The following LRRTM4 variants were observed in gnomAD, a reference collection of about 807,000 sequenced individuals.
LRRTM4 encodes the protein leucine-rich repeat transmembrane neuronal protein 4.
LRRTM4 carries 25 observed loss-of-function variants against 47.6 expected under a neutral mutation model. The ratio of observed to expected loss-of-function variants is 0.53; its 90% CI spans 0.38 to 0.73. LRRTM4 has a LOEUF of 0.73. Ranked by LOEUF, LRRTM4 falls within the 30% of genes least tolerant of loss-of-function variation. LRRTM4 has a pLI of 0.00. For synonymous variants in LRRTM4, 311 were observed against 269.5 expected (o/e 1.15, Z -1.51); for missense variants, 638 against 713.4 (o/e 0.89, Z 1.20).
chr2:76,777,186 G>T (rs1674056538), intron 3 of LRRTM4, among the ~76,000 whole-genome samples: 1 of 150,772 alleles, frequency 6.6e-6, no homozygotes, highest in Non-Finnish European at 1.5e-5. Context: ...TTGAAGTCAG[G>T]GAGTGTGATG....
At chr2:77,427,887 A>G (rs1003147546) in intron 3 of LRRTM4, among the ~76,000 whole-genome samples, 19 of 152,148 alleles carry the variant, frequency 1.2e-4, no homozygotes, top group Non-Finnish European at 8.8e-5. Context: ...CAACTTTCCC[A>G]TTTACCAACT....
At chr2:76,955,148 C>T (rs1359652675) in intron 3 of LRRTM4, among the ~76,000 whole-genome samples, 2 of 151,702 alleles carry the variant, frequency 1.3e-5, no homozygotes, top group African/African-American at 4.8e-5. Flanking sequence ...GTATGAAGCT[C>T]ACTGATAAGG....
At chr2:77,126,459 G>T (rs940241820) in intron 3 of LRRTM4, among the ~76,000 whole-genome samples, 2 of 152,090 alleles carry the variant, frequency 1.3e-5, no homozygotes, top group Non-Finnish European at 2.9e-5. Context: ...TTTGCCTCTA[G>T]TGTGATATAT....
At chr2:76,926,548 T>C (rs1674595234) in intron 3 of LRRTM4, among the ~76,000 whole-genome samples, 1 of 152,142 alleles carries the variant, frequency 6.6e-6, no homozygotes, top group African/African-American at 2.4e-5. Context: ...CAACAGTGTT[T>C]GGAGCTGGGG....
intron 3 of LRRTM4, among the ~76,000 whole-genome samples, chr2:76,881,340 C>CT (rs945805697): frequency 1.3e-5 from 2 of 152,034 alleles, no homozygotes; most frequent in African/African-American, 4.8e-5. Flanking sequence ...CACACATGGC[C>CT]TATCAAGGTT....
Position 76,992,312 on chromosome 2 carries a change from A to G in LRRTM4, c.1552-243396T>C, listed in dbSNP as rs1037385937. 3.9e-5 allele frequency among the ~76,000 whole-genome samples: 6 copies of G among 151,938 alleles called. No homozygotes were observed. The East Asian group carries it at 1.2e-3, about 29-fold the overall frequency. ...GCAACCAGGCAAGAGAAAGAAATGA[A>G]AGGCATCCAAATAGAAAAAGCAATC... On this transcript the variant is annotated intron_variant, in intron 3 of 3. Transcript: ENST00000409884.
intron 3 of LRRTM4, among the ~76,000 whole-genome samples, chr2:76,871,492 T>C (rs773185155): frequency 6.6e-5 from 10 of 152,192 alleles, no homozygotes; most frequent in Non-Finnish European, 1.5e-4. Flanking sequence ...CTGTATTGAA[T>C]TGAAAATCTT....
chr2:76,819,180 A>G (rs545164046), intron 3 of LRRTM4, among the ~76,000 whole-genome samples: 2 of 152,010 alleles, frequency 1.3e-5, no homozygotes, highest in East Asian at 1.9e-4. Context: ...GTAAACAATC[A>G]TAATAGCAGT....
At chr2:77,295,701 A>C (rs1676953430) in intron 3 of LRRTM4, among the ~76,000 whole-genome samples, 1 of 152,174 alleles carries the variant, frequency 6.6e-6, no homozygotes, top group South Asian at 2.1e-4. Flanking sequence ...CCAGGCTTGT[A>C]GGTGGCCATC....
chr2:77,134,561 A>G (rs1313606809), intron 3 of LRRTM4, among the ~76,000 whole-genome samples: 1 of 152,190 alleles, frequency 6.6e-6, no homozygotes, highest in Admixed American at 6.5e-5. Flanking sequence ...TTAATGCTTC[A>G]GTTTTCACAT....
intron 3 of LRRTM4, among the ~76,000 whole-genome samples, chr2:76,988,609 A>C (rs1446718): frequency 0.34 from 51,592 of 151,678 alleles, 9,526 homozygotes; most frequent in East Asian, 0.55. Flanking sequence ...TAAAAGCCCC[A>C]AATTTTCTAC....
At chr2:77,049,014 C>A (rs974927856) in intron 3 of LRRTM4, among the ~76,000 whole-genome samples, 1 of 150,480 alleles carries the variant, frequency 6.6e-6, no homozygotes, top group Non-Finnish European at 1.5e-5. Flanking sequence ...TGAGAAAATA[C>A]AATATTCATC....
intron 3 of LRRTM4, among the ~76,000 whole-genome samples, chr2:76,777,109 T>C (rs770538535): frequency 1.1e-4 from 16 of 148,516 alleles, no homozygotes; most frequent in African/African-American, 1.7e-4. Context: ...TTCTGTTCCA[T>C]TGATCTATAT....
intron 3 of LRRTM4, among the ~76,000 whole-genome samples, chr2:77,294,624 T>G (rs1315432206): frequency 6.6e-6 from 1 of 152,154 alleles, no homozygotes; most frequent in Non-Finnish European, 1.5e-5. Context: ...AGTGAGAGAT[T>G]CTTGCCCTAC....
chr2:76,758,281 A>C (rs896695605), intron 3 of LRRTM4, among the ~76,000 whole-genome samples: 2 of 152,182 alleles, frequency 1.3e-5, no homozygotes, highest in Non-Finnish European at 2.9e-5. Context: ...ACAAATGTAA[A>C]AGTGAAATGA....
chr2:76,852,987 C>T (rs1672042066), intron 3 of LRRTM4, among the ~76,000 whole-genome samples: 1 of 151,988 alleles, frequency 6.6e-6, no homozygotes, highest in Non-Finnish European at 1.5e-5. Flanking sequence ...ATGGGTTATT[C>T]TAGGAAAAGG....
intron 3 of LRRTM4, among the ~76,000 whole-genome samples, chr2:77,002,341 T>G (rs1677462878): frequency 6.6e-6 from 1 of 152,152 alleles, no homozygotes; most frequent in African/African-American, 2.4e-5. Flanking sequence ...CATGTGTTAA[T>G]GAGAGTCATG....
At chr2:77,211,423 G>T (rs1166595037) in intron 3 of LRRTM4, among the ~76,000 whole-genome samples, 2 of 152,134 alleles carry the variant, frequency 1.3e-5, no homozygotes, top group Non-Finnish European at 2.9e-5. Flanking sequence ...ATAGGAAGCC[G>T]CTGGGTGAGA....
chr2:77,018,364 G>C (rs115951583), intron 3 of LRRTM4, among the ~76,000 whole-genome samples: 1 of 148,336 alleles, frequency 6.7e-6, no homozygotes, highest in South Asian at 2.1e-4. Flanking sequence ...GACTCCTAAG[G>C]GTTCTTTTGT....
Sources: allele counts gnomAD v4.1 joint callset (sites outside exome capture counted in the v4.1 genomes callset), GRCh38; gene constraint gnomAD v4.1.1; transcripts MANE v1.5; gene names NCBI Gene and HGNC (gene_info 2026-07-23, HGNC 2026-07-21).